Variants in GPC6 observed in about 807,000 individuals in gnomAD.
The protein encoded by GPC6 is glypican 6.
Under a neutral mutation model 55.2 loss-of-function variants are expected in GPC6, and 14 were observed. That is an observed-to-expected ratio of 0.25 (90% confidence interval 0.17 to 0.40). GPC6 has a LOEUF of 0.40. Among genes scored for constraint, GPC6 ranks in the 10% least tolerant of loss-of-function variants. The pLI, the probability that GPC6 is intolerant of heterozygous loss-of-function variation, is 1.00. For missense variants in GPC6, 641 were observed against 708.5 expected (o/e 0.90, Z 1.08); for synonymous variants, 278 against 259.6 (o/e 1.07, Z -0.68).
chr13:94,185,035 C>G (rs931306617), intron 4 of GPC6, among the ~76,000 whole-genome samples: 1 of 151,978 alleles, frequency 6.6e-6, no homozygotes, highest in Admixed American at 6.6e-5. Flanking sequence ...TGAATTAACA[C>G]AGGAAGAGAA....
At chr13:94,245,721 T>A (rs1307104975) in intron 4 of GPC6, among the ~76,000 whole-genome samples, 2 of 152,052 alleles carry the variant, frequency 1.3e-5, no homozygotes, top group African/African-American at 4.8e-5. Flanking sequence ...TATTTGTGTG[T>A]ATGTGTGTGT....
At chr13:93,727,787 C>T (rs1355665583) in intron 2 of GPC6, among the ~76,000 whole-genome samples, 2 of 152,136 alleles carry the variant, frequency 1.3e-5, no homozygotes, top group African/African-American at 2.4e-5. Flanking sequence ...CTGTCTGAGG[C>T]CCTCCTTGGT....
At chr13:93,352,187 C>G (rs1308350552) in intron 1 of GPC6, among the ~76,000 whole-genome samples, 1 of 152,068 alleles carries the variant, frequency 6.6e-6, no homozygotes, top group Non-Finnish European at 1.5e-5. Context: ...GGTAAATTTA[C>G]GGAACACCAA....
chr13:93,474,466 A>G (rs1002853811), intron 1 of GPC6, among the ~76,000 whole-genome samples: 5 of 152,112 alleles, frequency 3.3e-5, no homozygotes, highest in Non-Finnish European at 5.9e-5. Context: ...TCCCCCAAGC[A>G]GAGTGCTGAG....
chr13:93,711,728 C>A (rs1883075263), intron 2 of GPC6, among the ~76,000 whole-genome samples: 1 of 151,696 alleles, frequency 6.6e-6, no homozygotes, highest in Non-Finnish European at 1.5e-5. Flanking sequence ...ATTTTCTGCC[C>A]CAGGGCATTT....
intron 6 of GPC6, among the ~76,000 whole-genome samples, chr13:94,363,758 C>T (rs59980018): frequency 0.065 from 9,825 of 152,126 alleles, 524 homozygotes; most frequent in East Asian, 0.25. Context: ...GAGCTCTAAG[C>T]GAAAAACCCA....
intron 3 of GPC6, among the ~76,000 whole-genome samples, chr13:94,002,271 G>A (rs1446777822): frequency 6.6e-6 from 1 of 152,036 alleles, no homozygotes; most frequent in Non-Finnish European, 1.5e-5. Flanking sequence ...AGGGACCATA[G>A]GGGTGCTGCC....
intron 1 of GPC6, among the ~76,000 whole-genome samples, chr13:93,405,546 G>C (rs1026513150): frequency 1.3e-5 from 2 of 152,050 alleles, no homozygotes; most frequent in African/African-American, 4.8e-5. Context: ...CATTTTGTCC[G>C]TGCACACTGG....
intron 4 of GPC6, among the ~76,000 whole-genome samples, chr13:94,194,538 G>A (rs1248932235): frequency 6.6e-6 from 1 of 152,192 alleles, no homozygotes; most frequent in African/African-American, 2.4e-5. Flanking sequence ...ACTCATAAGT[G>A]GGGGCTAAGC....
At chr13:93,572,121 T>C (rs994269299) in intron 2 of GPC6, among the ~76,000 whole-genome samples, 1 of 152,146 alleles carries the variant, frequency 6.6e-6, no homozygotes, top group Admixed American at 6.6e-5. Flanking sequence ...CATTTGTTCA[T>C]CATAAATGTG....
chr13:93,920,284 A>G (rs1251364233), intron 3 of GPC6, among the ~76,000 whole-genome samples: 1 of 152,018 alleles, frequency 6.6e-6, no homozygotes, highest in Non-Finnish European at 1.5e-5. Context: ...AAATGAGAGC[A>G]TCCCCCAAGG....
At chr13:93,245,478 G>C (rs573046491) in intron 1 of GPC6, among the ~76,000 whole-genome samples, 1 of 152,106 alleles carries the variant, frequency 6.6e-6, no homozygotes, top group Non-Finnish European at 1.5e-5. Context: ...TCACCGAAAG[G>C]CTTGCAAAAC....
intron 3 of GPC6, among the ~76,000 whole-genome samples, chr13:94,021,410 A>C (rs1024424399): frequency 3.9e-5 from 6 of 152,028 alleles, no homozygotes; most frequent in Admixed American, 2.0e-4. Flanking sequence ...TAGAAATCTT[A>C]AGTGTATTAG....
chr13:94,031,793 G>A (rs917672100), intron 4 of GPC6, among the ~76,000 whole-genome samples: 8 of 152,288 alleles, frequency 5.3e-5, no homozygotes, highest in African/African-American at 1.4e-4. Context: ...TGTTATCAAC[G>A]CTCCATAGAT....
At chr13:93,976,740 C>T (rs535278383) in intron 3 of GPC6, among the ~76,000 whole-genome samples, 2 of 151,898 alleles carry the variant, frequency 1.3e-5, no homozygotes, top group East Asian at 4.0e-4. Context: ...CTCATTGGCT[C>T]AAGTACTCTT....
At chr13:93,464,275 A>G (rs372057102) in intron 1 of GPC6, among the ~76,000 whole-genome samples, 1 of 152,142 alleles carries the variant, frequency 6.6e-6, no homozygotes, top group East Asian at 1.9e-4. Flanking sequence ...ACAACAGTGA[A>G]GTTTGTTGCA....
intron 1 of GPC6, among the ~76,000 whole-genome samples, chr13:93,350,331 G>A (rs1019302663): frequency 2.0e-5 from 3 of 152,158 alleles, no homozygotes; most frequent in Admixed American, 6.6e-5. Context: ...CTACTCAGGA[G>A]GCTGAGGCAG....
intron 4 of GPC6, among the ~76,000 whole-genome samples, chr13:94,173,338 C>T (rs1204326422): frequency 6.6e-6 from 1 of 152,132 alleles, no homozygotes; most frequent in Non-Finnish European, 1.5e-5. Context: ...TTCAGCATAG[C>T]TCTTTGGTAC....
intron 2 of GPC6, among the ~76,000 whole-genome samples, chr13:93,713,839 A>G (rs1883155050): frequency 6.6e-6 from 1 of 151,770 alleles, no homozygotes; most frequent in African/African-American, 2.4e-5. Context: ...TCAGGCTAGC[A>G]GCTCTAACAG....
Sources: allele counts gnomAD v4.1 joint callset (sites outside exome capture counted in the v4.1 genomes callset), GRCh38; gene constraint gnomAD v4.1.1; transcripts MANE v1.5; gene names NCBI Gene and HGNC (gene_info 2026-07-23, HGNC 2026-07-21).